Variants in CRAMP1 observed in about 807,000 individuals in gnomAD.
CRAMP1 encodes cramped chromatin regulator 1.
In CRAMP1, 50 loss-of-function variants were observed where a neutral mutation model predicts 115.4. The observed-to-expected ratio is 0.43, with a 90% CI of 0.35 to 0.55. The LOEUF (loss-of-function observed/expected upper bound fraction) is 0.55. Among genes scored for constraint, CRAMP1 ranks in the 20% least tolerant of loss-of-function variants. CRAMP1 has a pLI of 0.01. For synonymous variants in CRAMP1, 866 were observed against 745.4 expected (o/e 1.16, Z -2.64); for missense variants, 1,679 against 1,721.7 (o/e 0.98, Z 0.44).
intron 6 of CRAMP1, among the ~76,000 whole-genome samples, chr16:1,642,640 T>C (rs1470810454): frequency 6.6e-6 from 1 of 152,226 alleles, no homozygotes; most frequent in Non-Finnish European, 1.5e-5. Flanking sequence ...ACTGGGCACA[T>C]TGGAGGAACC....
rs1287974698 is a variant in CRAMP1 at position 1,669,423 on chromosome 16, A to G, written c.3499+258A>G. ...AACCCACAAGCCAATGGAGACCTAG[A>G]ACATTCCCGTGACCCCAGATGCTGG... On this transcript the variant is annotated intron_variant, in intron 19 of 20. Coordinates refer to ENST00000397412, the MANE Select transcript of CRAMP1 (RefSeq NM_020825.4). This position sits in a 1 kb window ranked among gnomAD's most constrained non-coding sequence, Gnocchi z 4.6. 6.6e-6 allele frequency among the ~76,000 whole-genome samples: 1 copy of G among 152,208 alleles called. No individual in the cohort carries two copies. Among genetic ancestry groups the G allele is most frequent in the East Asian group, 1.9e-4 (1 of 5,194 alleles).
In CRAMP1 at chr16:1,655,914, G is replaced by C; in HGVS notation, c.1157G>C (p.Cys386Ser). 3 of 1,612,718 alleles carry C rather than the reference G, an allele frequency of 1.9e-6. No individual in the cohort carries two copies. Among genetic ancestry groups the C allele is most frequent in the African/African-American group, 1.3e-5 (1 of 75,058 alleles). The change falls in exon 10 of 21, where the codon TGC (cysteine) becomes TCC (serine). Residue 386 changes from cysteine (C) to serine (S), a missense_variant. Cys to Ser is a moderately radical substitution (Grantham distance 112). This residue lies in a region of CRAMP1 where 191 missense variants were observed against 236.2 expected (regional missense o/e 0.81). Transcript: ENST00000397412. ...GAGGAGCGGCAGCTGCAGGACTCAT[G>C]CTCCGCACCGATGCAGGAGAAGGTG... ...TLEERQLQDS[C>S]SAPMQEKVTL... is the part of the protein sequence containing the mutation.
At chr16:1,664,969 C>G (rs780530529) in intron 13 of CRAMP1, 88 bp from the exon 14 acceptor site, 9 of 915,296 alleles carry the variant, frequency 9.8e-6, no homozygotes, top group Non-Finnish European at 1.4e-5. Flanking sequence ...GCTGGGCACC[C>G]TCTTACTTGG....
chr16:1,657,694 G>A (rs932091926), intron 10 of CRAMP1, among the ~76,000 whole-genome samples: 1 of 152,178 alleles, frequency 6.6e-6, no homozygotes, highest in Non-Finnish European at 1.5e-5. Flanking sequence ...TTACCACAGG[G>A]AGGCCAGTTG....
At chr16:1,622,879 A>G (rs986111608) in intron 2 of CRAMP1, among the ~76,000 whole-genome samples, 4 of 150,416 alleles carry the variant, frequency 2.7e-5, no homozygotes, top group Non-Finnish European at 5.9e-5. Context: ...CTTCTGTCTC[A>G]GTATCTGGAG....
Position 1,666,233 on chromosome 16 carries a change from T to C in CRAMP1, c.2857+56T>C. The C allele has an allele frequency of 3.8e-6, 5 of 1,332,258 alleles. No individual in the cohort carries two copies. Among genetic ancestry groups the C allele is most frequent in the Middle Eastern group, 3.6e-4 (2 of 5,550 alleles). 82.5% of individuals were successfully genotyped at this position (1,332,258 alleles called of 1,614,324 possible). ...TGAGTGAGCCTCTGAGGGATGTTTT[T>C]GTGACCAGGTTTTTTGAATGTTTTC... is the stretch of plus-strand genomic sequence containing the variant. On this transcript the variant is annotated intron_variant, in intron 15 of 20. Coordinates refer to ENST00000397412, the MANE Select transcript of CRAMP1 (RefSeq NM_020825.4). This position sits in a 1 kb window ranked among gnomAD's most constrained non-coding sequence, Gnocchi z 5.0.
At chr16:1,660,852 CA>C (rs1484037783) in intron 11 of CRAMP1, among the ~76,000 whole-genome samples, 1 of 151,962 alleles carries the variant, frequency 6.6e-6, no homozygotes, top group Non-Finnish European at 1.5e-5. Flanking sequence ...ACTAAAAATA[CA>C]AAAAACTAGT....
At chr16:1,658,662 C>T (rs888575037) in intron 10 of CRAMP1, among the ~76,000 whole-genome samples, 39 of 152,088 alleles carry the variant, frequency 2.6e-4, no homozygotes, top group African/African-American at 8.9e-4. Context: ...CCAAAAGGCC[C>T]GAGCCCCAGA....
chr16:1,628,921 G>A (rs764063919), intron 3 of CRAMP1, among the ~76,000 whole-genome samples: 16 of 152,234 alleles, frequency 1.1e-4, no homozygotes, highest in Non-Finnish European at 1.8e-4. Flanking sequence ...ACTTTGGGCA[G>A]TGCTGGGCAT....
chr16:1,663,716 A>G (rs761903747), intron 13 of CRAMP1, among the ~76,000 whole-genome samples: 15 of 152,150 alleles, frequency 9.9e-5, no homozygotes, highest in Non-Finnish European at 1.8e-4. Context: ...CCCTGCTCCT[A>G]TGAACTCACG....
chr16:1,625,892 C>A, intron 2 of CRAMP1, 81 bp from the exon 3 acceptor site: 1 of 1,393,528 alleles, frequency 7.2e-7, no homozygotes, highest in Non-Finnish European at 9.8e-7. Context: ...GGCAGTGGGC[C>A]CTTCCCTCCC....
At chr16:1,629,715 T>G (rs1025297786) in intron 3 of CRAMP1, among the ~76,000 whole-genome samples, 1 of 152,226 alleles carries the variant, frequency 6.6e-6, no homozygotes, top group African/African-American at 2.4e-5. Flanking sequence ...TGGGCCTGCC[T>G]GGACCTTGCA....
At chr16:1,645,639 G>A (rs962274284) in intron 6 of CRAMP1, among the ~76,000 whole-genome samples, 2 of 152,222 alleles carry the variant, frequency 1.3e-5, no homozygotes, top group East Asian at 1.9e-4. Flanking sequence ...GGCATCACAC[G>A]GGGGCAGTTC....
intron 16 of CRAMP1, among the ~76,000 whole-genome samples, chr16:1,667,103 G>A (rs2036882720): frequency 6.6e-6 from 1 of 152,192 alleles, no homozygotes; most frequent in South Asian, 2.1e-4. Context: ...TTGACTTCCT[G>A]ATAGGACTTT....
intron 6 of CRAMP1, among the ~76,000 whole-genome samples, chr16:1,648,983 C>T (rs1036832533): frequency 2.0e-5 from 3 of 151,870 alleles, no homozygotes; most frequent in Admixed American, 1.3e-4. Flanking sequence ...GGTGTGAACC[C>T]GGCAGGCGGA....
intron 8 of CRAMP1, among the ~76,000 whole-genome samples, chr16:1,653,491 C>G (rs1184810486): frequency 6.6e-6 from 1 of 152,182 alleles, no homozygotes; most frequent in African/African-American, 2.4e-5. Context: ...CGCATATGCA[C>G]AAGGCGCCAT....
Position 1,666,198 on chromosome 16 carries a change from C to A in CRAMP1, c.2857+21C>A. ...GGCCAGTAAGTCTGTACCTGCATGG[C>A]CACAGCCACTGAGTGAGCCTCTGAG... On this transcript the variant is annotated intron_variant, in intron 15 of 20. Coordinates refer to ENST00000397412, the MANE Select transcript of CRAMP1 (RefSeq NM_020825.4). This position sits in a 1 kb window ranked among gnomAD's most constrained non-coding sequence, Gnocchi z 5.0. The A allele has an allele frequency of 4.6e-6, 7 of 1,520,756 alleles. No homozygotes were observed. Among genetic ancestry groups the A allele is most frequent in the Non-Finnish European group, 6.3e-6 (7 of 1,104,098 alleles). The allele number at this position is 1,520,756 out of a possible 1,614,324, so 94.2% of individuals were successfully genotyped here. A position where few individuals can be genotyped will look rare whatever the true frequency, so the allele number is the denominator to read the frequency against.
rs1159807398 is a variant in CRAMP1, at chr16:1,671,118, G to GTTAC, written c.3645+310_3645+313dup. Among the ~76,000 whole-genome samples, 1 of 152,194 alleles carries GTTAC rather than the reference G, an allele frequency of 6.6e-6. No homozygotes were observed. The highest frequency in any genetic ancestry group is 1.5e-5 in the Non-Finnish European group (1 of 68,026). ...AAGGCAGCCAGAGCCGAGTGGGGAT[G>GTTAC]TTACCTCTCCTTCCCTGGCTGTGAG... On this transcript the variant is annotated intron_variant, in intron 20 of 20. Coordinates refer to ENST00000397412, the MANE Select transcript of CRAMP1 (RefSeq NM_020825.4). The surrounding 1 kb of genome is among the most constrained non-coding windows in gnomAD (Gnocchi z 5.0).
intron 3 of CRAMP1, among the ~76,000 whole-genome samples, chr16:1,631,641 T>G (rs2036548774): frequency 6.6e-6 from 1 of 152,234 alleles, no homozygotes; most frequent in Admixed American, 6.5e-5. Flanking sequence ...GGAACACAAG[T>G]TCTCTTCTGA....
Sources: allele counts gnomAD v4.1 joint callset (sites outside exome capture counted in the v4.1 genomes callset), GRCh38; gene constraint gnomAD v4.1.1; regional missense constraint gnomAD v4.1.1; non-coding constraint Gnocchi (gnomAD v3.1); transcripts MANE v1.5; gene names NCBI Gene and HGNC (gene_info 2026-07-23, HGNC 2026-07-21).